The following CCDC171 variants were observed in gnomAD, a reference collection of about 807,000 sequenced individuals.
CCDC171 encodes the protein coiled-coil domain containing 171.
In CCDC171, 177 loss-of-function variants were observed where a neutral mutation model predicts 168.2. That is an observed-to-expected ratio of 1.05 (90% CI 0.93 to 1.19). CCDC171 has a LOEUF of 1.19. Among genes scored for constraint, CCDC171 ranks in the 50% most tolerant of loss-of-function variants. The probability of loss-of-function intolerance (pLI) is 0.00; values close to 1 mark genes in which losing one functional copy is unlikely to be tolerated. For synonymous variants in CCDC171, 687 were observed against 540.8 expected, an observed-to-expected ratio of 1.27 and a Z score of -3.75; for missense variants, 1,991 against 1,539.0, an observed-to-expected ratio of 1.29 and a Z score of -4.91.
chr9:15,758,206 T>A (rs2056242892), intron 18 of CCDC171, among the ~76,000 whole-genome samples: 1 of 152,118 alleles, frequency 6.6e-6, no homozygotes, highest in Non-Finnish European at 1.5e-5. Flanking sequence ...AGGAAGGCTG[T>A]ACCTTGCAAA....
intron 25 of CCDC171, among the ~76,000 whole-genome samples, chr9:15,942,779 C>A (rs1827874925): frequency 6.6e-6 from 1 of 151,742 alleles, no homozygotes. Flanking sequence ...GAAGAAAATA[C>A]TGAATTATTG....
chr9:15,569,652 A>G (rs1252294885), intron 2 of CCDC171, among the ~76,000 whole-genome samples: 1 of 151,616 alleles, frequency 6.6e-6, no homozygotes, highest in African/African-American at 2.4e-5. Flanking sequence ...CGTCTCTACT[A>G]AAAATGCAAA....
chr9:15,839,242 TTAATA>T (rs2060574225), intron 21 of CCDC171, among the ~76,000 whole-genome samples: 1 of 152,204 alleles, frequency 6.6e-6, no homozygotes, highest in East Asian at 1.9e-4. Context: ...TTATTGGACT[TTAATA>T]TAAGTAGAAA....
At chr9:15,845,027 T>C (rs933969212) in intron 21 of CCDC171, among the ~76,000 whole-genome samples, 2 of 152,122 alleles carry the variant, frequency 1.3e-5, no homozygotes, top group African/African-American at 2.4e-5. Context: ...GAACTCAAGC[T>C]TTATCCATAA....
At chr9:15,802,403 C>G (rs1465077703) in intron 21 of CCDC171, among the ~76,000 whole-genome samples, 1 of 152,024 alleles carries the variant, frequency 6.6e-6, no homozygotes, top group African/African-American at 2.4e-5. Flanking sequence ...GATCCTCTCC[C>G]TCCTCCCAGC....
At chr9:15,555,497 G>A (rs2038714223) in intron 1 of CCDC171, among the ~76,000 whole-genome samples, 2 of 152,088 alleles carry the variant, frequency 1.3e-5, no homozygotes, top group African/African-American at 4.8e-5. Context: ...CTCCAGCAAA[G>A]AGCAGAAATG....
At chr9:16,084,511 C>G in the CCDC171 span, among the ~76,000 whole-genome samples, 3 of 152,090 alleles carry the variant, frequency 2.0e-5, no homozygotes, top group African/African-American at 7.2e-5. Flanking sequence ...AATTGAAGTC[C>G]ATGCATTTTG....
At chr9:15,882,741 T>C (rs1818821788) in intron 24 of CCDC171, among the ~76,000 whole-genome samples, 1 of 151,922 alleles carries the variant, frequency 6.6e-6, no homozygotes, top group Non-Finnish European at 1.5e-5. Flanking sequence ...ATAATTAGCT[T>C]TGCGTATCAG....
chr9:15,598,723 T>A (rs2042583322), intron 6 of CCDC171, among the ~76,000 whole-genome samples: 1 of 152,158 alleles, frequency 6.6e-6, no homozygotes, highest in African/African-American at 2.4e-5. Flanking sequence ...TCTGTCTCAT[T>A]GATCTGTCTA....
intron 21 of CCDC171, among the ~76,000 whole-genome samples, chr9:15,797,174 A>G (rs2058598474): frequency 6.6e-6 from 1 of 152,060 alleles, no homozygotes; most frequent in African/African-American, 2.4e-5. Context: ...TCATTCATAT[A>G]TGTTCTTTGT....
intron 23 of CCDC171, among the ~76,000 whole-genome samples, chr9:15,855,140 C>T (rs550449141): frequency 1.3e-3 from 190 of 151,710 alleles, no homozygotes; most frequent in Middle Eastern, 6.8e-3. Flanking sequence ...TGTCTTTTGT[C>T]TGGGTGTCCT....
intron 11 of CCDC171, among the ~76,000 whole-genome samples, chr9:15,715,659 C>G (rs1588113702): frequency 6.6e-6 from 1 of 152,130 alleles, no homozygotes; most frequent in Non-Finnish European, 1.5e-5. Context: ...TATTCTCCCT[C>G]CATTATTTCT....
chr9:15,605,461 T>C (rs950665255), intron 6 of CCDC171, among the ~76,000 whole-genome samples: 14 of 144,252 alleles, frequency 9.7e-5, no homozygotes, highest in African/African-American at 3.4e-4. Flanking sequence ...GGGCAGATCA[T>C]GAGGTCAGGA....
intron 9 of CCDC171, among the ~76,000 whole-genome samples, chr9:15,673,778 A>C (rs2049305779): frequency 6.6e-6 from 1 of 152,152 alleles, no homozygotes; most frequent in Non-Finnish European, 1.5e-5. Flanking sequence ...TTTCGCATCG[A>C]TGTTCGTCAG....
intron 25 of CCDC171, among the ~76,000 whole-genome samples, chr9:15,923,436 G>C (rs556676010): frequency 4.8e-4 from 72 of 151,416 alleles, no homozygotes; most frequent in African/African-American, 1.7e-3. Flanking sequence ...CTCATATGTA[G>C]AATCTAAACA....
chr9:15,946,617 T>C (rs1828423563), intron 25 of CCDC171, among the ~76,000 whole-genome samples: 1 of 151,986 alleles, frequency 6.6e-6, no homozygotes, highest in Non-Finnish European at 1.5e-5. Flanking sequence ...CTACATTCAA[T>C]GCCATCCCCA....
intron 10 of CCDC171, among the ~76,000 whole-genome samples, chr9:15,686,113 C>G (rs750335218): frequency 8.5e-5 from 13 of 152,106 alleles, no homozygotes; most frequent in Admixed American, 6.6e-5. Context: ...TATTTTTGAA[C>G]TAGGAATTTA....
At chr9:15,648,472 A>G (rs1312985046) in intron 7 of CCDC171, among the ~76,000 whole-genome samples, 1 of 152,224 alleles carries the variant, frequency 6.6e-6, no homozygotes, top group Non-Finnish European at 1.5e-5. Flanking sequence ...CTGTTTGTAG[A>G]TGACATGATT....
At chr9:16,056,643 A>ACGAAAATTAG (rs987114932) in intron 1 of CCDC171, among the ~76,000 whole-genome samples, 1 of 152,036 alleles carries the variant, frequency 6.6e-6, no homozygotes. Context: ...GTGCACCACC[A>ACGAAAATTAG]CACCTGGCTA....
Sources: gnomAD v4.1 joint callset for allele counts (sites outside exome capture counted in the v4.1 genomes callset) on GRCh38, gnomAD v4.1.1 for gene constraint, MANE v1.5 for transcripts, NCBI Gene and HGNC (gene_info 2026-07-23, HGNC 2026-07-21) for gene names.